The following COMMD1 variants were observed in gnomAD, a reference collection of about 807,000 sequenced individuals.
COMMD1 encodes the protein copper metabolism domain containing 1.
In COMMD1, 10 loss-of-function variants were observed where a neutral mutation model predicts 17.2. That is an observed-to-expected ratio of 0.58 (90% CI 0.36 to 0.99). The LOEUF (loss-of-function observed/expected upper bound fraction) is 0.99, where lower values mean the gene tolerates loss of function less well. Among genes scored for constraint, COMMD1 ranks in the 50% least tolerant of loss-of-function variants. The pLI is 0.01. For synonymous variants in COMMD1, 97 were observed against 91.6 expected (o/e 1.06, Z -0.34); for missense variants, 270 against 231.8 (o/e 1.17, Z -1.07).
chr2:62,007,087 A>G (rs571340185), intron 2 of COMMD1, among the ~76,000 whole-genome samples: 1 of 152,188 alleles, frequency 6.6e-6, no homozygotes, highest in Non-Finnish European at 1.5e-5. Flanking sequence ...CTGCATGTAG[A>G]GATCCCAAAA....
chr2:61,900,450 G>T (rs1419210875), intron 1 of COMMD1, among the ~76,000 whole-genome samples: 1 of 152,236 alleles, frequency 6.6e-6, no homozygotes, highest in Non-Finnish European at 1.5e-5. Flanking sequence ...GACCTATTCA[G>T]CAAGACTGAT....
At chr2:62,017,513 A>T (rs778468661) in intron 2 of COMMD1, among the ~76,000 whole-genome samples, 18 of 139,928 alleles carry the variant, frequency 1.3e-4, no homozygotes, top group Non-Finnish European at 2.4e-4. Flanking sequence ...ACAAAAAATT[A>T]AAAAAAATTA....
At chr2:62,081,882 T>A (rs1018795191) in intron 2 of COMMD1, among the ~76,000 whole-genome samples, 7 of 152,214 alleles carry the variant, frequency 4.6e-5, no homozygotes, top group African/African-American at 1.4e-4. Flanking sequence ...TGAGGTTTCC[T>A]GCTTTTTTTA....
intron 2 of COMMD1, chr2:62,069,698 A>G (rs1376111078): frequency 6.6e-6 from 1 of 152,194 alleles, no homozygotes; most frequent in Non-Finnish European, 1.5e-5. Context: ...GGGAGACTAC[A>G]TGTTAGTTTT....
At chr2:62,131,488 TCTGC>T (rs1673032275) in intron 2 of COMMD1, among the ~76,000 whole-genome samples, 1 of 152,220 alleles carries the variant, frequency 6.6e-6, no homozygotes, top group Admixed American at 6.5e-5. Flanking sequence ...AAGCATCACA[TCTGC>T]CTGCCTGCCT....
intron 2 of COMMD1, among the ~76,000 whole-genome samples, chr2:62,110,502 G>A (rs1282014846): frequency 6.6e-6 from 1 of 152,146 alleles, no homozygotes. Context: ...ATTGACAACT[G>A]ACTGCCCCAA....
chr2:61,895,269 A>T (rs1019707638), intron 1 of COMMD1, among the ~76,000 whole-genome samples: 5 of 152,174 alleles, frequency 3.3e-5, no homozygotes, highest in African/African-American at 1.2e-4. Context: ...AGCTGTCCAC[A>T]GATAAAAGTA....
chr2:61,980,777 T>G (rs1215875477), intron 1 of COMMD1, among the ~76,000 whole-genome samples: 6 of 152,024 alleles, frequency 3.9e-5, no homozygotes, highest in African/African-American at 2.4e-5. Context: ...GTCAATTTTG[T>G]CTTCTGTTGC....
intron 2 of COMMD1, chr2:62,079,877 G>A (rs547185443): frequency 2.6e-4 from 39 of 152,198 alleles, no homozygotes; most frequent in Admixed American, 4.6e-4. Flanking sequence ...GGTATAATAA[G>A]GCTTTTATGT....
chr2:62,120,054 G>C (rs572099431), intron 2 of COMMD1, among the ~76,000 whole-genome samples: 5 of 152,222 alleles, frequency 3.3e-5, no homozygotes, highest in East Asian at 1.9e-4. Flanking sequence ...CTGGAGTACA[G>C]TGACCCGATC....
intron 2 of COMMD1, among the ~76,000 whole-genome samples, chr2:62,033,959 AAAAT>A: frequency 6.6e-6 from 1 of 151,970 alleles, no homozygotes; most frequent in East Asian, 1.9e-4. Flanking sequence ...AAATGTAAAA[AAAAT>A]AGCCAGGCTG....
chr2:61,954,187 C>A (rs571907786), intron 1 of COMMD1, among the ~76,000 whole-genome samples: 1 of 151,924 alleles, frequency 6.6e-6, no homozygotes, highest in Non-Finnish European at 1.5e-5. Context: ...CCACCCTGGG[C>A]GACAGAGTGA....
At chr2:61,907,891 A>G (rs1669812409) in intron 1 of COMMD1, among the ~76,000 whole-genome samples, 1 of 152,092 alleles carries the variant, frequency 6.6e-6, no homozygotes, top group Non-Finnish European at 1.5e-5. Context: ...GGGTTTCACC[A>G]TGTTGGCCAG....
intron 2 of COMMD1, among the ~76,000 whole-genome samples, chr2:62,053,979 C>T (rs570878671): frequency 1.9e-4 from 29 of 152,032 alleles, no homozygotes; most frequent in Non-Finnish European, 3.4e-4. Context: ...ATCAAAAATA[C>T]ACAAAGAACT....
intron 2 of COMMD1, among the ~76,000 whole-genome samples, chr2:62,086,992 T>G (rs1671689653): frequency 6.6e-6 from 1 of 151,976 alleles, no homozygotes; most frequent in African/African-American, 2.4e-5. Flanking sequence ...CCTGGCTAAT[T>G]TTTGTATTTT....
chr2:61,934,520 T>G (rs1396678481), intron 1 of COMMD1, among the ~76,000 whole-genome samples: 2 of 152,280 alleles, frequency 1.3e-5, no homozygotes, highest in Admixed American at 6.5e-5. Flanking sequence ...CCCAAGAGTT[T>G]GAGACCAGTC....
chr2:62,061,700 C>T (rs1670863547), intron 2 of COMMD1, among the ~76,000 whole-genome samples: 1 of 151,430 alleles, frequency 6.6e-6, no homozygotes. Context: ...GGACTACAGG[C>T]GCCCACCACC....
At chr2:61,933,772 CTTT>C (rs61702772) in intron 1 of COMMD1, among the ~76,000 whole-genome samples, 1 of 148,586 alleles carries the variant, frequency 6.7e-6, no homozygotes. Context: ...TTCTTTTTTT[CTTT>C]TTTTTGAGAT....
chr2:62,101,373 G>C (rs1401928762), intron 2 of COMMD1, among the ~76,000 whole-genome samples: 1 of 152,172 alleles, frequency 6.6e-6, no homozygotes, highest in Non-Finnish European at 1.5e-5. Context: ...ACTTTGGAAG[G>C]CCGAGATGGG....
Sources: gnomAD v4.1 joint callset for allele counts (sites outside exome capture counted in the v4.1 genomes callset) on GRCh38, gnomAD v4.1.1 for gene constraint, MANE v1.5 for transcripts, NCBI Gene and HGNC (gene_info 2026-07-23, HGNC 2026-07-21) for gene names.